The following MRPL18 variants were observed in gnomAD, a reference collection of about 807,000 sequenced individuals.
MRPL18 encodes large ribosomal subunit protein uL18m.
Under a neutral mutation model 20.9 loss-of-function variants are expected in MRPL18, and 16 were observed. The observed-to-expected ratio is 0.76, with a 90% CI of 0.52 to 1.16. MRPL18 has a LOEUF of 1.16. MRPL18 is among the 50% of genes most tolerant of loss of function. The pLI is 0.00. For missense variants in MRPL18, 233 were observed against 230.6 expected (o/e 1.01, Z -0.07); for synonymous variants, 91 against 87.1 (o/e 1.04, Z -0.25).
In MRPL18 at chr6:159,797,429, A is replaced by G. The variant is rs769855369; in HGVS notation, c.382A>G (p.Ile128Val). The change falls in exon 3 of 4, where the codon ATA (isoleucine) becomes GTA (valine). Residue 128 changes from isoleucine to valine, a missense_variant. Physicochemically the swap from Ile to Val is conservative, Grantham distance 29. Transcript: ENST00000367034. ...STRNVVACES[I>V]GRVLAQRCLE... Reference sequence around the variant, plus strand: ...CAGAAATGTGGTGGCTTGTGAGAGTATAGGACGAGTGCTGGCACAGAGATG... The same window carrying G: ...CAGAAATGTGGTGGCTTGTGAGAGTGTAGGACGAGTGCTGGCACAGAGATG... The G allele has an allele frequency of 3.1e-6, 5 of 1,614,210 alleles. No homozygotes were observed. Among genetic ancestry groups the G allele is most frequent in the East Asian group, 4.5e-5 (2 of 44,888 alleles).
chr6:159,794,336 T>C (rs1228011177), intron 2 of MRPL18, among the ~76,000 whole-genome samples: 1 of 152,218 alleles, frequency 6.6e-6, no homozygotes, highest in Admixed American at 6.5e-5. Context: ...GCTCCATTAC[T>C]TACTAGTTTT....
Position 159,798,033 on chromosome 6 carries a change from T to A in MRPL18, c.472-19T>A, listed in dbSNP as rs78800759. On this transcript the variant is annotated intron_variant, in intron 3 of 3. Coordinates refer to ENST00000367034, the MANE Select transcript of MRPL18 (RefSeq NM_014161.5). ...TGCTGACTTAATCTTTTCCTTTTTT[T>A]TCTGATTTTCAAAACCAGATGAAAC... The A allele has an allele frequency of 2.2e-3, 3,618 of 1,608,600 alleles. 67 individuals carry two copies. The African/African-American group carries it at 0.041, about 18-fold the overall frequency.
rs746605282 is a variant in MRPL18, at chr6:159,797,393, C to T, written c.346C>T (p.Leu116Phe). 1 of 1,614,088 alleles carries T rather than the reference C, an allele frequency of 6.2e-7. No homozygotes were observed. Among genetic ancestry groups the T allele is most frequent in the South Asian group, 1.1e-5 (1 of 91,082 alleles). ...TCGTGAGTGGGCTATTAAAAAGCAC[C>T]TTTATAGTACCAGAAATGTGGTGGC... Reference protein sequence around the residue: ...STREWAIKKHLYSTRNVVACE... With the variant: ...STREWAIKKHFYSTRNVVACE... The change falls in exon 3 of 4, where the codon CTT becomes TTT. Residue 116 changes from leucine to phenylalanine, a missense_variant. Physicochemically the swap from Leu to Phe is conservative, Grantham distance 22. Coordinates refer to ENST00000367034, the MANE Select transcript of MRPL18 (RefSeq NM_014161.5).
In MRPL18 at chr6:159,790,995, G is replaced by A; in HGVS notation, c.108G>A (p.Val36=). 1 of 1,614,194 alleles carries A rather than the reference G, an allele frequency of 6.2e-7. No homozygotes were observed. The highest frequency in any genetic ancestry group is 8.5e-7 in the Non-Finnish European group (1 of 1,180,022). The stretch of plus-strand genomic sequence containing the variant: ...CCGAGCCGGCAGCGAAACCTGAAGT[G>A]GACCCTGTGGAAAATGAAGCTGTCG... ...TSSEPAAKPE[V]DPVENEAVAP... is the part of the protein sequence containing the mutation. Residue 36 remains valine (V), a synonymous_variant, in exon 2 of 4, where the codon GTG becomes GTA. Transcript: ENST00000367034.
chr6:159,790,628 G>T lies in MRPL18; in HGVS notation c.41G>T (p.Cys14Phe), dbSNP rs750787682. ...RSRFWGLFSV[C>F]RNPGCRFAAL... Reference sequence around the variant, plus strand: ...CGGTTTTGGGGGTTGTTCTCGGTTTGCAGGAACCCTGGTAATTAGTCTTGC... The same window carrying T: ...CGGTTTTGGGGGTTGTTCTCGGTTTTCAGGAACCCTGGTAATTAGTCTTGC... Residue 14 changes from cysteine (C) to phenylalanine (F), a missense_variant, in exon 1 of 4, where the codon TGC becomes TTC. Cys to Phe is a radical substitution (Grantham distance 205). Transcript: ENST00000367034. 1 of 1,614,176 alleles carries T rather than the reference G, an allele frequency of 6.2e-7. No homozygotes were observed. The highest frequency in any genetic ancestry group is 8.5e-7 in the Non-Finnish European group (1 of 1,180,032).
chr6:159,791,690 A>G (rs1025036371), intron 2 of MRPL18, among the ~76,000 whole-genome samples: 2 of 152,162 alleles, frequency 1.3e-5, no homozygotes, highest in Non-Finnish European at 1.5e-5. Context: ...GGATCATCTG[A>G]GGTCAGGAGT....
At chr6:159,791,238 G>C in intron 2 of MRPL18, 112 bp downstream of exon 2, 3 of 1,262,274 alleles carry the variant, frequency 2.4e-6, no homozygotes, top group Middle Eastern at 2.0e-4. Flanking sequence ...TAGAGGCAGG[G>C]TTCGCGGAGG....
chr6:159,793,565 T>C (rs1002972563), intron 2 of MRPL18, among the ~76,000 whole-genome samples: 1 of 152,130 alleles, frequency 6.6e-6, no homozygotes, highest in Non-Finnish European at 1.5e-5. Flanking sequence ...GCCTAAAATA[T>C]TTACTATCTG....
intron 2 of MRPL18, among the ~76,000 whole-genome samples, chr6:159,795,248 C>G (rs1369213299): frequency 6.6e-6 from 1 of 152,176 alleles, no homozygotes; most frequent in East Asian, 1.9e-4. Flanking sequence ...ATGCCTTCCT[C>G]TTATACTAAT....
intron 2 of MRPL18, among the ~76,000 whole-genome samples, chr6:159,796,652 C>T (rs1430914001): frequency 6.6e-6 from 1 of 152,068 alleles, no homozygotes; most frequent in Non-Finnish European, 1.5e-5. Flanking sequence ...GGTGCAGTGG[C>T]ATGCACCTGT....
At chr6:159,796,820 A>AT (rs1554270875) in intron 2 of MRPL18, among the ~76,000 whole-genome samples, 1 of 152,314 alleles carries the variant, frequency 6.6e-6, no homozygotes. Context: ...GTTTGATGTC[A>AT]TATTTAAATA....
chr6:159,797,432 GGAC>G lies in MRPL18; in HGVS notation c.388_390del (p.Arg130del). The G allele has an allele frequency of 6.2e-7, 1 of 1,614,196 alleles. No homozygotes were observed. Among genetic ancestry groups the G allele is most frequent in the Non-Finnish European group, 8.5e-7 (1 of 1,180,040 alleles). The stretch of plus-strand genomic sequence containing the variant: ...AAATGTGGTGGCTTGTGAGAGTATA[GGAC>G]GAGTGCTGGCACAGAGATGCTTAGA... On this transcript the variant is annotated inframe_deletion, in exon 3 of 4. Coordinates refer to ENST00000367034, the MANE Select transcript of MRPL18 (RefSeq NM_014161.5).
intron 2 of MRPL18, among the ~76,000 whole-genome samples, chr6:159,792,062 T>TC (rs1343545788): frequency 6.6e-6 from 1 of 152,234 alleles, no homozygotes; most frequent in Non-Finnish European, 1.5e-5. Context: ...ATATGTTTTT[T>TC]CTCATTTAAT....
At chr6:159,795,161 G>T (rs568530026) in intron 2 of MRPL18, among the ~76,000 whole-genome samples, 1 of 152,316 alleles carries the variant, frequency 6.6e-6, no homozygotes, top group East Asian at 1.9e-4. Context: ...GTACAATCGG[G>T]TTTTATACCG....
intron 1 of MRPL18, 115 bp downstream of exon 1, chr6:159,790,754 A>C: frequency 6.9e-6 from 10 of 1,458,434 alleles, no homozygotes; most frequent in Non-Finnish European, 9.4e-6. Flanking sequence ...AGCTCGCGGC[A>C]CTGCGAAGAC....
At chr6:159,789,960 G>A (rs908109839), upstream of MRPL18, 7 of 184,400 alleles carry the variant, frequency 3.8e-5, no homozygotes, top group East Asian at 8.1e-4. Context: ...TTAGAGTTGG[G>A]GTTCTGAGCG....
rs370277254 is a variant in MRPL18, at chr6:159,798,324, C to T, written c.*201C>T. On this transcript the variant is annotated 3_prime_UTR_variant, in exon 4 of 4. Coordinates refer to ENST00000367034, the MANE Select transcript of MRPL18 (RefSeq NM_014161.5). ...AACTACGTTCTGCCCCTCTCTTGGG[C>T]TTCAGAAGCATCTAAGAAAAGCAGT... 18 of 455,624 alleles carry T rather than the reference C, an allele frequency of 4.0e-5. No homozygotes were observed. The highest frequency in any genetic ancestry group is 3.2e-4 in the East Asian group (9 of 28,482). 28.2% of individuals were successfully genotyped at this position (455,624 alleles called of 1,614,324 possible).
chr6:159,793,181 T>C (rs767326497), intron 2 of MRPL18, among the ~76,000 whole-genome samples: 15 of 152,166 alleles, frequency 9.9e-5, no homozygotes, highest in Non-Finnish European at 2.1e-4. Context: ...TAAAGATGTA[T>C]TTCCTCATTT....
In MRPL18 at chr6:159,795,879, G is replaced by A. The variant is rs146137439; in HGVS notation, c.240-1408G>A. The stretch of plus-strand genomic sequence containing the variant: ...GCTCACTGCAGCCACAACCTCCTGG[G>A]CTCAAACAATCTTCCCACCTCAGCC... On this transcript the variant is annotated intron_variant, in intron 2 of 3. Transcript: ENST00000367034. Among the ~76,000 whole-genome samples the A allele has an allele frequency of 4.6e-5, 7 of 152,192 alleles. No homozygotes were observed. In the East Asian group the frequency reaches 1.2e-3, roughly 25 times the overall value.
Sources: allele counts gnomAD v4.1 joint callset (sites outside exome capture counted in the v4.1 genomes callset), GRCh38; gene constraint gnomAD v4.1.1; transcripts MANE v1.5; gene names NCBI Gene and HGNC (gene_info 2026-07-23, HGNC 2026-07-21).